The following EIF4E2 variants were observed in gnomAD, a reference collection of about 807,000 sequenced individuals.
The protein encoded by EIF4E2 is eukaryotic translation initiation factor 4E family member 2.
EIF4E2 carries 13 observed loss-of-function variants against 34.2 expected under a neutral mutation model. That is an observed-to-expected ratio of 0.38 (90% CI 0.25 to 0.60). The LOEUF (loss-of-function observed/expected upper bound fraction) is 0.60, where lower values mean the gene tolerates loss of function less well. EIF4E2 is among the 20% of genes least tolerant of loss of function. The pLI, the probability that EIF4E2 is intolerant of heterozygous loss-of-function variation, is 0.62. For missense variants in EIF4E2, 222 were observed against 315.1 expected, an observed-to-expected ratio of 0.70 and a Z score of 2.24; for synonymous variants, 100 against 106.6, an observed-to-expected ratio of 0.94 and a Z score of 0.38.
downstream of EIF4E2, among the ~76,000 whole-genome samples, chr2:232,572,071 GT>G (rs1693105335): frequency 1.3e-5 from 2 of 152,140 alleles, no homozygotes; most frequent in African/African-American, 2.4e-5. Context: ...AGAATTCCTT[GT>G]TGCCTATATT....
At chr2:232,578,293 T>A (rs1416392000) in intron 6 of EIF4E2, among the ~76,000 whole-genome samples, 1 of 152,210 alleles carries the variant, frequency 6.6e-6, no homozygotes, top group African/African-American at 2.4e-5. Flanking sequence ...ATATGATTTC[T>A]TAGGTTTTCT....
chr2:232,576,074 C>T (rs952190349), intron 6 of EIF4E2, among the ~76,000 whole-genome samples: 3 of 152,030 alleles, frequency 2.0e-5, no homozygotes, highest in Non-Finnish European at 2.9e-5. Flanking sequence ...CGTGGTGGCA[C>T]ACACCTGTTG....
rs576233672 is a variant in EIF4E2 at position 232,559,824 on chromosome 2, TAAAAAAA to T, written c.270+1819_270+1825del. Among the ~76,000 whole-genome samples the T allele has an allele frequency of 1.0e-3, 121 of 115,482 alleles. 1 individual carries two copies. Among genetic ancestry groups the T allele is most frequent in the Admixed American group, 5.6e-3 (67 of 11,868 alleles). 75.8% of individuals were successfully genotyped at this position (115,482 alleles called of 152,430 possible). A position where few individuals can be genotyped will look rare whatever the true frequency, so the allele number is the denominator to read the frequency against. On this transcript the variant is annotated intron_variant, in intron 3 of 6. Transcript: ENST00000258416. ...GCTGGCTTGGAGAAAACGGGAGCAT[TAAAAAAA>T]AAAAAAAAAAAAGGCTGGCCATGTT... is the stretch of plus-strand genomic sequence containing the variant.
intron 1 of EIF4E2, among the ~76,000 whole-genome samples, chr2:232,551,678 G>A (rs780624199): frequency 3.3e-5 from 5 of 152,200 alleles, no homozygotes; most frequent in African/African-American, 7.2e-5. Context: ...CACACTCAGC[G>A]ATGCTTAAAG....
At chr2:232,573,553 G>A (rs1051000687), downstream of EIF4E2, among the ~76,000 whole-genome samples, 3 of 152,060 alleles carry the variant, frequency 2.0e-5, no homozygotes, top group Admixed American at 6.6e-5. Flanking sequence ...GAAAGGCCAC[G>A]TACCACTTCT....
chr2:232,556,840 C>T (rs1203920493), intron 2 of EIF4E2, among the ~76,000 whole-genome samples: 2 of 152,300 alleles, frequency 1.3e-5, no homozygotes, highest in Non-Finnish European at 2.9e-5. Context: ...TCAAATCCTA[C>T]ATACCCCTTG....
Position 232,557,878 on chromosome 2 carries a change from T to A in EIF4E2, c.136-6T>A. 2 of 1,612,988 alleles carry A rather than the reference T, an allele frequency of 1.2e-6. No homozygotes were observed. Among genetic ancestry groups the A allele is most frequent in the Non-Finnish European group, 1.7e-6 (2 of 1,179,886 alleles). On this transcript the variant is annotated splice_region_variant and splice_polypyrimidine_tract_variant and intron_variant, in intron 2 of 6. Transcript: ENST00000258416. ...CCAGGACTAACACACCTTCTTTACT[T>A]CCCAGGCTGTTGTCCCTGGACCGGC...
At chr2:232,552,441 G>A (rs1397804359) in intron 1 of EIF4E2, among the ~76,000 whole-genome samples, 1 of 152,076 alleles carries the variant, frequency 6.6e-6, no homozygotes, top group Non-Finnish European at 1.5e-5. Context: ...TCGAACTCGG[G>A]CTCAAGAGAT....
At chr2:232,551,073 G>A (rs930104612) in intron 1 of EIF4E2, 2 of 627,530 alleles carry the variant, frequency 3.2e-6, no homozygotes, top group Non-Finnish European at 6.0e-6. Flanking sequence ...GGACCTCGGC[G>A]GTTTGGGTGT....
exon 7 of EIF4E2, chr2:232,582,256 CAT>C (rs983720103): frequency 3.6e-4 from 55 of 152,760 alleles, no homozygotes; most frequent in Admixed American, 1.6e-3. Context: ...CTCTTTAAAA[CAT>C]ATGTGGAAGA....
intron 2 of EIF4E2, 175 bp from the exon 3 acceptor site, chr2:232,557,709 T>G: frequency 1.4e-6 from 1 of 717,868 alleles, no homozygotes; most frequent in African/African-American, 1.8e-5. Flanking sequence ...TTAGAATCAG[T>G]TAACCACTGA....
intron 1 of EIF4E2, chr2:232,553,950 C>T (rs527610460): frequency 6.6e-6 from 1 of 152,296 alleles, no homozygotes; most frequent in African/African-American, 2.4e-5. Context: ...CCTCTTCAAC[C>T]AAGATCTAAA....
chr2:232,569,062 CG>C lies in EIF4E2; in HGVS notation c.*47del, dbSNP rs764912690. The C allele has an allele frequency of 5.4e-4, 872 of 1,607,730 alleles. 1 individual carries two copies. Among genetic ancestry groups the C allele is most frequent in the Non-Finnish European group, 6.0e-4 (701 of 1,177,130 alleles). On this transcript the variant is annotated 3_prime_UTR_variant, in exon 7 of 7. Transcript: ENST00000258416. ...GCACCATCATTGAAGCTGGCGTCAT[CG>C]GAGTCTCTTGTTCTGTTGGCGTGCT...
intron 6 of EIF4E2, among the ~76,000 whole-genome samples, chr2:232,580,593 C>T (rs1263410615): frequency 1.3e-5 from 2 of 152,246 alleles, no homozygotes; most frequent in Non-Finnish European, 2.9e-5. Flanking sequence ...GAACCCTTTC[C>T]ACAGTAGTAG....
At chr2:232,574,414 C>G in intron 6 of EIF4E2, 1 of 1,471,410 alleles carries the variant, frequency 6.8e-7, no homozygotes, top group Non-Finnish European at 9.3e-7. Context: ...TCCCATTTAC[C>G]CCCAAACTTG....
Position 232,568,926 on chromosome 2 carries a change from C to A in EIF4E2, c.666-19C>A, listed in dbSNP as rs374357579. The A allele has an allele frequency of 5.6e-6, 9 of 1,614,156 alleles. No individual in the cohort carries two copies. Among genetic ancestry groups the A allele is most frequent in the East Asian group, 2.2e-5 (1 of 44,866 alleles). ...TCTCTTTCCTCTCCCAATGAGCCAACCTTTTGCACTTCCACTAGAATGCCA... is the reference window on the plus strand; with the variant it reads ...TCTCTTTCCTCTCCCAATGAGCCAAACTTTTGCACTTCCACTAGAATGCCA... On this transcript the variant is annotated intron_variant, in intron 6 of 6. Transcript: ENST00000258416.
rs1693352805 is a variant in EIF4E2, at chr2:232,581,198, G to A, written c.*255G>A. 8 of 597,122 alleles carry A rather than the reference G, an allele frequency of 1.3e-5. No individual in the cohort carries two copies. Among genetic ancestry groups the A allele is most frequent in the Non-Finnish European group, 1.9e-5 (6 of 318,562 alleles). The allele number at this position is 597,122 out of a possible 1,614,324, so 37.0% of individuals were successfully genotyped here. A position where few individuals can be genotyped will look rare whatever the true frequency, so the allele number is the denominator to read the frequency against. ...TTTTAATGGGGTTCCATGGGGGGGC[G>A]TTCAGCCTTTCTGTTTGCTGTGTGC... is the stretch of plus-strand genomic sequence containing the variant. On this transcript the variant is annotated 3_prime_UTR_variant, in exon 7 of 7. Transcript: ENST00000409098. This position sits in a 1 kb window ranked among gnomAD's most constrained non-coding sequence, Gnocchi z 5.2.
intron 1 of EIF4E2, among the ~76,000 whole-genome samples, chr2:232,553,401 G>A (rs1318811644): frequency 8.0e-6 from 1 of 125,102 alleles, no homozygotes; most frequent in Non-Finnish European, 1.6e-5. Context: ...TGATTCTATA[G>A]ACCCATTCAT....
chr2:232,553,416 C>T (rs1378527284), intron 1 of EIF4E2, among the ~76,000 whole-genome samples: 3 of 63,774 alleles, frequency 4.7e-5, no homozygotes, highest in East Asian at 3.4e-4. Context: ...ATTCATTAAA[C>T]GGAGATTTTT....
Sources: allele counts gnomAD v4.1 joint callset (sites outside exome capture counted in the v4.1 genomes callset), GRCh38; gene constraint gnomAD v4.1.1; non-coding constraint Gnocchi (gnomAD v3.1); transcripts MANE v1.5; gene names NCBI Gene and HGNC (gene_info 2026-07-23, HGNC 2026-07-21).